Variants in ADAMTS18 observed in about 807,000 individuals in gnomAD.
The protein encoded by ADAMTS18 is ADAM metallopeptidase with thrombospondin type 1 motif 18.
ADAMTS18 carries 157 observed loss-of-function variants against 165.9 expected under a neutral mutation model. The ratio of observed to expected loss-of-function variants is 0.95; its 90% CI spans 0.83 to 1.08. The LOEUF is 1.08. Among genes scored for constraint, ADAMTS18 ranks in the 50% least tolerant of loss-of-function variants. ADAMTS18 has a pLI of 0.00. For missense variants in ADAMTS18, 2,040 were observed against 1,534.0 expected (o/e 1.33, Z -5.51); for synonymous variants, 782 against 578.2 (o/e 1.35, Z -5.06).
intron 3 of ADAMTS18, among the ~76,000 whole-genome samples, chr16:77,409,915 A>T (rs1033090695): frequency 2.6e-5 from 4 of 152,170 alleles, no homozygotes; most frequent in African/African-American, 9.7e-5. Context: ...CCTCCTGCTA[A>T]TATTACCGTA....
Position 77,291,333 on chromosome 16 carries a change from C to G in ADAMTS18, c.3335G>C (p.Arg1112Pro), listed in dbSNP as rs143757943. The G allele has an allele frequency of 6.2e-7, 1 of 1,614,196 alleles. No homozygotes were observed. The highest frequency in any genetic ancestry group is 1.3e-5 in the African/African-American group (1 of 75,064). The change falls in exon 21 of 23, where the codon CGA becomes CCA. Residue 1112 changes from arginine to proline, a missense_variant. Transcript: ENST00000282849. ...PNLDLEETCN[R>P]RACPAHPVYN... ...CACTGGATGGGCTGGGCAAGCCCGT[C>G]GGTTGCAGGTCTCTTCCAAGTCCAG...
intron 3 of ADAMTS18, among the ~76,000 whole-genome samples, chr16:77,385,924 C>T (rs553302194): frequency 3.3e-5 from 5 of 152,306 alleles, no homozygotes; most frequent in South Asian, 4.1e-4. Flanking sequence ...GTCCATCCCC[C>T]TGATTTTACA....
chr16:77,402,624 A>G (rs1188583338), intron 3 of ADAMTS18, among the ~76,000 whole-genome samples: 2 of 152,248 alleles, frequency 1.3e-5, no homozygotes, highest in Non-Finnish European at 2.9e-5. Flanking sequence ...AACTTTAAGT[A>G]GAAGATTTAT....
chr16:77,311,470 A>T (rs892300467), intron 16 of ADAMTS18, among the ~76,000 whole-genome samples: 1 of 152,228 alleles, frequency 6.6e-6, no homozygotes, highest in Non-Finnish European at 1.5e-5. Flanking sequence ...GATCACTTGG[A>T]TATCAATATA....
rs909196332 is a variant in ADAMTS18 at position 77,353,956 on chromosome 16, T to A, written c.1461-70A>T. ...ATCTTTCCATTTACGACAACACACT[T>A]CTGAATGCATTCATGCAAAGAAAAA... On this transcript the variant is annotated intron_variant, in intron 9 of 22. Coordinates refer to ENST00000282849, the MANE Select transcript of ADAMTS18 (RefSeq NM_199355.4). 432 of 1,573,718 alleles carry A rather than the reference T, an allele frequency of 2.7e-4. 2 individuals carry two copies. The highest frequency in any genetic ancestry group is 1.0e-3 in the South Asian group (93 of 90,194).
Position 77,431,374 on chromosome 16 carries a change from T to G in ADAMTS18, c.416A>C (p.Glu139Ala), listed in dbSNP as rs1249428536. Residue 139 changes from glutamate (E) to alanine (A), a missense_variant, in exon 3 of 23, where the codon GAG becomes GCG. Coordinates refer to ENST00000282849, the MANE Select transcript of ADAMTS18 (RefSeq NM_199355.4). ...TCCCTGATAGAAGCATTGCTGCACCTCGGGTTTCTGAGTCTCTGAAGCACC... is the reference window on the plus strand; with the variant it reads ...TCCCTGATAGAAGCATTGCTGCACCGCGGGTTTCTGAGTCTCTGAAGCACC... Reference protein sequence around the residue: ...KDGASETQKPEVQQCFYQGFI... With the variant: ...KDGASETQKPAVQQCFYQGFI... 6.2e-7 allele frequency: 1 copy of G among 1,614,112 alleles called. No homozygotes were observed. Among genetic ancestry groups the G allele is most frequent in the Non-Finnish European group, 8.5e-7 (1 of 1,180,028 alleles).
Position 77,289,403 on chromosome 16 carries a change from G to A in ADAMTS18, c.3411C>T (p.Val1137=), listed in dbSNP as rs1422355271. 2 of 1,614,048 alleles carry A rather than the reference G, an allele frequency of 1.2e-6. No homozygotes were observed. The highest frequency in any genetic ancestry group is 1.7e-6 in the Non-Finnish European group (2 of 1,179,972). ...GGGTCTGGACCCCTCCCCCACAGGT[G>A]ACTGTGCACTGCAGCAGAGAGAAGA... ...WYSLPWQQCT[V]TCGGGVQTRS... is the part of the protein sequence containing the mutation. The change falls in exon 22 of 23, where the codon GTC becomes GTT. Residue 1137 remains valine (V), a synonymous_variant. Transcript: ENST00000282849.
intron 16 of ADAMTS18, among the ~76,000 whole-genome samples, chr16:77,304,700 G>A (rs924362792): frequency 6.6e-6 from 1 of 152,134 alleles, no homozygotes; most frequent in Non-Finnish European, 1.5e-5. Context: ...CATGTATCTG[G>A]CCAAAAGAAA....
At position 77,320,021 on chromosome 16, in the gene ADAMTS18, C is replaced by A; in HGVS notation, c.2360G>T (p.Ser787Ile). The A allele has an allele frequency of 6.2e-7, 1 of 1,614,126 alleles. No homozygotes were observed. The highest frequency in any genetic ancestry group is 8.5e-7 in the Non-Finnish European group (1 of 1,180,018). Reference protein sequence around the residue: ...IEIQELQVSSSYLAVRSLSQK... With the variant: ...IEIQELQVSSIYLAVRSLSQK... Reference sequence around the variant, plus strand: ...ACTGAGGCTTCGAACTGCGAGGTAACTGGAGGAAACCTGCAGCTCCTGGAT... The same window carrying A: ...ACTGAGGCTTCGAACTGCGAGGTAAATGGAGGAAACCTGCAGCTCCTGGAT... The change falls in exon 16 of 23, where the codon AGT (serine) becomes ATT (isoleucine). Residue 787 changes from serine (S) to isoleucine (I), a missense_variant. Ser to Ile is a moderately radical substitution (Grantham distance 142). Transcript: ENST00000282849.
At chr16:77,428,303 G>C (rs1243826207) in intron 3 of ADAMTS18, among the ~76,000 whole-genome samples, 1 of 152,024 alleles carries the variant, frequency 6.6e-6, no homozygotes, top group East Asian at 1.9e-4. Context: ...CTGAACTCTT[G>C]AATCATCTAT....
At chr16:77,325,311 A>G (rs1042223637) in intron 13 of ADAMTS18, among the ~76,000 whole-genome samples, 2 of 152,222 alleles carry the variant, frequency 1.3e-5, no homozygotes, top group African/African-American at 4.8e-5. Context: ...TTATTCAGTC[A>G]AAATAAAGAC....
At chr16:77,290,382 G>A (rs2055339262) in intron 21 of ADAMTS18, among the ~76,000 whole-genome samples, 1 of 152,120 alleles carries the variant, frequency 6.6e-6, no homozygotes, top group Admixed American at 6.5e-5. Context: ...ATTTGGCTGG[G>A]TGGCAACTGT....
chr16:77,403,766 C>A (rs1157591488), intron 3 of ADAMTS18, among the ~76,000 whole-genome samples: 1 of 152,156 alleles, frequency 6.6e-6, no homozygotes, highest in African/African-American at 2.4e-5. Context: ...AGACACAGCC[C>A]TCCTCACAGC....
Position 77,346,423 on chromosome 16 carries a change from T to G in ADAMTS18, c.1615-4624A>C, listed in dbSNP as rs750265267. Among the ~76,000 whole-genome samples, 116 of 152,106 alleles carry G rather than the reference T, an allele frequency of 7.6e-4. 1 individual carries two copies. Among genetic ancestry groups the G allele is most frequent in the Non-Finnish European group, 2.5e-4 (17 of 68,028 alleles). On this transcript the variant is annotated intron_variant, in intron 10 of 22. Coordinates refer to ENST00000282849, the MANE Select transcript of ADAMTS18 (RefSeq NM_199355.4). ...ACAGACTTTGTATTTTAAAATAGTC[T>G]TCATTTGTAATAAAGACTCTGGAAT... is the stretch of plus-strand genomic sequence containing the variant.
At chr16:77,340,599 G>C (rs1450510736) in intron 11 of ADAMTS18, among the ~76,000 whole-genome samples, 2 of 152,028 alleles carry the variant, frequency 1.3e-5, no homozygotes, top group Non-Finnish European at 2.9e-5. Context: ...TTCTTTTTTA[G>C]AGACAGGGCC....
intron 17 of ADAMTS18, among the ~76,000 whole-genome samples, chr16:77,297,915 G>A (rs1328959273): frequency 1.3e-5 from 1 of 74,332 alleles, no homozygotes; most frequent in East Asian, 4.4e-4. Flanking sequence ...CTCTGCTTTT[G>A]CTTTTTTTTT....
At chr16:77,292,399 T>C (rs2055380875) in intron 20 of ADAMTS18, among the ~76,000 whole-genome samples, 1 of 152,172 alleles carries the variant, frequency 6.6e-6, no homozygotes, top group African/African-American at 2.4e-5. Context: ...CTTTACTAAA[T>C]GTGCAGTCCC....
chr16:77,420,615 G>A (rs1567554960), intron 3 of ADAMTS18, among the ~76,000 whole-genome samples: 1 of 152,140 alleles, frequency 6.6e-6, no homozygotes, highest in African/African-American at 2.4e-5. Context: ...CTTTTTACAA[G>A]GACGGAATTC....
chr16:77,365,091 C>A (rs912652143), intron 4 of ADAMTS18, among the ~76,000 whole-genome samples: 10 of 152,120 alleles, frequency 6.6e-5, no homozygotes, highest in Non-Finnish European at 1.5e-5. Flanking sequence ...GAAGTCTCTC[C>A]TTTATGTCCT....
Sources: allele counts gnomAD v4.1 joint callset (sites outside exome capture counted in the v4.1 genomes callset), GRCh38; gene constraint gnomAD v4.1.1; transcripts MANE v1.5; gene names NCBI Gene and HGNC (gene_info 2026-07-23, HGNC 2026-07-21).